PIGB: variants seen among roughly 807,000 people sequenced by gnomAD.
PIGB encodes GPI alpha-1,2-mannosyltransferase 3.
Under a neutral mutation model 68.4 loss-of-function variants are expected in PIGB, and 58 were observed. The observed-to-expected ratio is 0.85, with a 90% confidence interval of 0.69 to 1.06. The LOEUF (loss-of-function observed/expected upper bound fraction) is 1.06. PIGB is among the 50% of genes least tolerant of loss of function. The pLI is 0.00. For missense variants in PIGB, 634 were observed against 655.8 expected (o/e 0.97, Z 0.36); for synonymous variants, 219 against 220.5 (o/e 0.99, Z 0.06).
chr15:55,331,151 C>G (rs1234038607), intron 5 of PIGB, among the ~76,000 whole-genome samples: 1 of 152,156 alleles, frequency 6.6e-6, no homozygotes, highest in Admixed American at 6.5e-5. Context: ...CTAGCAATTA[C>G]CCAGATTTCT....
At position 55,334,008 on chromosome 15, in the gene PIGB, G is replaced by A. The variant is rs1566951982; in HGVS notation, c.794+1G>A. 6.3e-7 allele frequency: 1 copy of A among 1,586,786 alleles called. No homozygotes were observed. Among genetic ancestry groups the A allele is most frequent in the East Asian group, 2.3e-5 (1 of 43,760 alleles). On this transcript the variant is annotated splice_donor_variant, in intron 6 of 11. Coordinates refer to ENST00000164305, the MANE Select transcript of PIGB (RefSeq NM_004855.5). LOFTEE classifies it high-confidence loss of function. ...TTCTACATCATTTTTTACCTGTAGGGTAAGTGTGGCAATAATCCATCCATT... is the reference window on the plus strand; with the variant it reads ...TTCTACATCATTTTTTACCTGTAGGATAAGTGTGGCAATAATCCATCCATT...
chr15:55,332,391 A>C (rs2055437573), intron 5 of PIGB, among the ~76,000 whole-genome samples: 1 of 146,844 alleles, frequency 6.8e-6, no homozygotes. Flanking sequence ...TTTTTTTGAG[A>C]TGGAGTTTCA....
At chr15:55,322,041 G>A (rs912352397) in intron 3 of PIGB, among the ~76,000 whole-genome samples, 16 of 151,844 alleles carry the variant, frequency 1.1e-4, no homozygotes, top group South Asian at 2.1e-4. Flanking sequence ...GGGTGTGGTC[G>A]CGCATGCCTG....
intron 4 of PIGB, 84 bp downstream of exon 4, chr15:55,327,719 A>G: frequency 1.3e-6 from 1 of 778,588 alleles, no homozygotes; most frequent in East Asian, 2.6e-5. Context: ...GATTCCCAAA[A>G]CAATTTTAGA....
chr15:55,341,264 G>A (rs770640642), intron 8 of PIGB, among the ~76,000 whole-genome samples: 1 of 152,110 alleles, frequency 6.6e-6, no homozygotes, highest in Non-Finnish European at 1.5e-5. Flanking sequence ...GGGAAGCTGA[G>A]GCAGAAGGAC....
chr15:55,326,762 G>C (rs1297161327), intron 3 of PIGB, among the ~76,000 whole-genome samples: 1 of 152,148 alleles, frequency 6.6e-6, no homozygotes, highest in Non-Finnish European at 1.5e-5. Context: ...GCGTGAACCC[G>C]GGAGGCGGAG....
At chr15:55,333,345 C>T (rs1445533690) in intron 5 of PIGB, among the ~76,000 whole-genome samples, 1 of 152,152 alleles carries the variant, frequency 6.6e-6, no homozygotes, top group Non-Finnish European at 1.5e-5. Flanking sequence ...CCTGTAATCC[C>T]AGCACTTTAG....
intron 5 of PIGB, among the ~76,000 whole-genome samples, 158 bp from the exon 6 acceptor site, chr15:55,333,709 G>A (rs1033346823): frequency 6.6e-6 from 1 of 152,122 alleles, no homozygotes; most frequent in Non-Finnish European, 1.5e-5. Flanking sequence ...TCCAGCCTGG[G>A]TGACAGAGTG....
In PIGB at chr15:55,319,285, C is replaced by CG. The variant is rs745639719; in HGVS notation, c.41dup (p.Gly15ArgfsTer72). ...CCCCTAAGCAAGTGCGGAATGGAGC[C>CG]GGGGGGCGGAGATGCCAGCCTCACT... On this transcript the variant is annotated frameshift_variant, in exon 1 of 12. Coordinates refer to ENST00000164305, the MANE Select transcript of PIGB (RefSeq NM_004855.5). LOFTEE classifies it high-confidence loss of function. 2.5e-6 allele frequency: 4 copies of CG among 1,606,808 alleles called. No homozygotes were observed. The highest frequency in any genetic ancestry group is 1.1e-5 in the South Asian group (1 of 89,088).
intron 3 of PIGB, 141 bp downstream of exon 3, chr15:55,321,531 C>T: frequency 1.7e-6 from 1 of 601,918 alleles, no homozygotes; most frequent in Non-Finnish European, 2.8e-6. Flanking sequence ...TTAGTTTGTG[C>T]TGAAATACAA....
rs2141199836 is a variant in PIGB at position 55,340,696 on chromosome 15, T to C, written c.931T>C (p.Tyr311His). Residue 311 changes from tyrosine (Y) to histidine (H), a missense_variant, in exon 8 of 12, where the codon TAC (tyrosine) becomes CAC (histidine). Physicochemically the swap from Tyr to His is moderately conservative, Grantham distance 83. Coordinates refer to ENST00000164305, the MANE Select transcript of PIGB (RefSeq NM_004855.5). The part of the protein sequence containing the change: ...TFYGSHPWHW[Y>H]FSQGFPVILG... The stretch of plus-strand genomic sequence containing the variant: ...TTATGGTTCTCATCCATGGCACTGG[T>C]ACTTCAGTCAAGGATTTCCAGTTAT... 6.2e-7 allele frequency: 1 copy of C among 1,612,314 alleles called. No homozygotes were observed. The highest frequency in any genetic ancestry group is 1.7e-5 in the Admixed American group (1 of 59,906).
At chr15:55,321,171 T>G in intron 2 of PIGB, 102 bp from the exon 3 acceptor site, 6 of 1,074,096 alleles carry the variant, frequency 5.6e-6, no homozygotes, top group Non-Finnish European at 7.6e-6. Flanking sequence ...AGCCCAAGTT[T>G]GAGACCAGCC....
chr15:55,346,299 A>AT (rs1416589005), intron 9 of PIGB: 1 of 152,286 alleles, frequency 6.6e-6, no homozygotes, highest in East Asian at 1.9e-4. Context: ...CTGAGATGTA[A>AT]TGGATTTTAA....
Position 55,319,481 on chromosome 15 carries a change from C to T in PIGB, c.163+68C>T, listed in dbSNP as rs2055112086. The T allele has an allele frequency of 2.4e-6, 3 of 1,236,434 alleles. No individual in the cohort carries two copies. In the East Asian group the frequency reaches 8.3e-5, roughly 34 times the overall value. The allele number at this position is 1,236,434 out of a possible 1,614,324, so 76.6% of individuals were successfully genotyped here. A position where few individuals can be genotyped will look rare whatever the true frequency, so the allele number is the denominator to read the frequency against. On this transcript the variant is annotated intron_variant, in intron 1 of 11. Coordinates refer to ENST00000164305, the MANE Select transcript of PIGB (RefSeq NM_004855.5). ...AAAAGGAACCCCCTCCATTTCATTA[C>T]CAGCCAGTTGCCCGTTGAGCTCTGT...
intron 10 of PIGB, 37 bp from the exon 11 acceptor site, chr15:55,354,761 T>G (rs773661818): frequency 2.0e-6 from 3 of 1,517,470 alleles, no homozygotes; most frequent in Non-Finnish European, 2.7e-6. Flanking sequence ...CTTTCATGTT[T>G]TACTTGTATT....
At chr15:55,355,124 C>G in intron 11 of PIGB, 146 bp downstream of exon 11, 2 of 894,582 alleles carry the variant, frequency 2.2e-6, no homozygotes, top group Non-Finnish European at 3.4e-6. Flanking sequence ...TCAAAATTAG[C>G]CCCAGTTCTG....
At chr15:55,353,554 T>G (rs937069483) in intron 10 of PIGB, among the ~76,000 whole-genome samples, 1 of 152,198 alleles carries the variant, frequency 6.6e-6, no homozygotes, top group Admixed American at 6.5e-5. Context: ...AGTAACTGGC[T>G]TAAATTGTCA....
chr15:55,336,161 C>T (rs575070102), intron 6 of PIGB, among the ~76,000 whole-genome samples: 8 of 152,090 alleles, frequency 5.3e-5, no homozygotes, highest in Non-Finnish European at 4.4e-5. Context: ...ATCCCAGTGC[C>T]CTGGGAGACC....
At chr15:55,332,403 T>C (rs2055437841) in intron 5 of PIGB, among the ~76,000 whole-genome samples, 1 of 151,858 alleles carries the variant, frequency 6.6e-6, no homozygotes, top group African/African-American at 2.4e-5. Context: ...GGAGTTTCAT[T>C]GTTGTTGCCC....
Sources: gnomAD v4.1 joint callset for allele counts (sites outside exome capture counted in the v4.1 genomes callset) on GRCh38, gnomAD v4.1.1 for gene constraint, MANE v1.5 for transcripts, NCBI Gene and HGNC (gene_info 2026-07-23, HGNC 2026-07-21) for gene names.